GRIP1: variants seen among roughly 807,000 people sequenced by gnomAD.
GRIP1 encodes the protein glutamate receptor-interacting protein 1.
Under a neutral mutation model 129.9 loss-of-function variants are expected in GRIP1, and 45 were observed. The observed-to-expected ratio is 0.35, with a 90% CI of 0.27 to 0.44. The LOEUF is 0.44. Ranked by LOEUF, GRIP1 falls within the 20% of genes least tolerant of loss-of-function variation. The pLI, the probability that GRIP1 is intolerant of heterozygous loss-of-function variation, is 1.00. For synonymous variants in GRIP1, 530 were observed against 520.8 expected, an observed-to-expected ratio of 1.02 and a Z score of -0.24; for missense variants, 1,196 against 1,396.8, an observed-to-expected ratio of 0.86 and a Z score of 2.29.
At chr12:66,440,303 G>C (rs769141962) in intron 13 of GRIP1, among the ~76,000 whole-genome samples, 1 of 151,920 alleles carries the variant, frequency 6.6e-6, no homozygotes, top group Non-Finnish European at 1.5e-5. Flanking sequence ...CCACACTTTG[G>C]GTTTCAAACA....
At chr12:66,851,160 T>C (rs1010652001) in intron 1 of GRIP1, among the ~76,000 whole-genome samples, 7 of 151,608 alleles carry the variant, frequency 4.6e-5, no homozygotes, top group African/African-American at 1.7e-4. Context: ...CAAGAGAAAT[T>C]TGGGAATAGA....
intron 1 of GRIP1, among the ~76,000 whole-genome samples, chr12:67,029,096 G>A (rs993103804): frequency 6.6e-6 from 1 of 151,972 alleles, no homozygotes; most frequent in Non-Finnish European, 1.5e-5. Context: ...TAGTGAGACT[G>A]TCTCTACAAA....
intron 1 of GRIP1, among the ~76,000 whole-genome samples, chr12:67,057,772 T>C (rs537948585): frequency 2.2e-4 from 33 of 152,348 alleles, no homozygotes; most frequent in African/African-American, 7.9e-4. Flanking sequence ...GATTCTAGCC[T>C]GGCAAATTTT....
At chr12:66,872,786 T>C (rs2040317954) in intron 1 of GRIP1, among the ~76,000 whole-genome samples, 1 of 152,090 alleles carries the variant, frequency 6.6e-6, no homozygotes, top group Admixed American at 6.6e-5. Flanking sequence ...AAGTTTACCT[T>C]ATCAATTTGT....
intron 1 of GRIP1, among the ~76,000 whole-genome samples, chr12:66,730,084 A>T (rs911845614): frequency 1.8e-4 from 27 of 152,234 alleles, no homozygotes; most frequent in African/African-American, 6.3e-4. Flanking sequence ...AAACCAGCAT[A>T]CAGCAGACTG....
At chr12:66,641,833 T>C (rs966156588) in intron 1 of GRIP1, among the ~76,000 whole-genome samples, 11 of 152,212 alleles carry the variant, frequency 7.2e-5, no homozygotes, top group Non-Finnish European at 1.5e-4. Context: ...GTTCAGATCA[T>C]GTTCCTACTG....
At chr12:66,817,208 A>G (rs978794403) in intron 1 of GRIP1, among the ~76,000 whole-genome samples, 20 of 91,206 alleles carry the variant, frequency 2.2e-4, no homozygotes, top group African/African-American at 1.3e-3. Flanking sequence ...GTATGCACAC[A>G]CACACACACA....
intron 1 of GRIP1, among the ~76,000 whole-genome samples, chr12:66,724,776 G>A (rs1709245575): frequency 6.6e-6 from 1 of 152,146 alleles, no homozygotes; most frequent in Admixed American, 6.5e-5. Context: ...AAAACCCAGG[G>A]AGTTCAGAGA....
intron 1 of GRIP1, among the ~76,000 whole-genome samples, chr12:66,768,416 A>G (rs2037712473): frequency 6.6e-6 from 1 of 152,210 alleles, no homozygotes; most frequent in African/African-American, 2.4e-5. Flanking sequence ...GTTGTCCGGA[A>G]CTTGCAACCT....
At chr12:66,933,034 T>TA (rs2041425458) in intron 1 of GRIP1, among the ~76,000 whole-genome samples, 2 of 152,232 alleles carry the variant, frequency 1.3e-5, no homozygotes, top group Admixed American at 6.5e-5. Flanking sequence ...GGTAACGAGT[T>TA]CCATTTTATT....
chr12:66,593,866 A>T (rs2063936141), intron 2 of GRIP1, among the ~76,000 whole-genome samples: 1 of 152,008 alleles, frequency 6.6e-6, no homozygotes, highest in Admixed American at 6.6e-5. Flanking sequence ...CATGAGATGG[A>T]GACCATCCTG....
rs148983751 is a variant in GRIP1, at chr12:67,034,245, C to G, written c.58+34805G>C. 4.1e-4 allele frequency among the ~76,000 whole-genome samples: 63 copies of G among 152,334 alleles called. 1 individual carries two copies. Among genetic ancestry groups the G allele is most frequent in the Middle Eastern group, 6.8e-3 (2 of 294 alleles). On this transcript the variant is annotated intron_variant, in intron 1 of 1. Coordinates refer to the GRIP1 transcript ENST00000643019. ...AAGGAAAAATTCCCTTTACCTAGAA[C>G]TGGGTTAGAGTCATAGCCTGCTTCC...
chr12:66,464,213 C>A (rs934597221), intron 8 of GRIP1, among the ~76,000 whole-genome samples: 1 of 152,214 alleles, frequency 6.6e-6, no homozygotes, highest in African/African-American at 2.4e-5. Context: ...CATAATTCCA[C>A]ATTTTTTGCA....
chr12:66,966,376 T>C (rs958997044), intron 1 of GRIP1, among the ~76,000 whole-genome samples: 7 of 152,320 alleles, frequency 4.6e-5, no homozygotes, highest in African/African-American at 1.7e-4. Flanking sequence ...GTTTCACCTA[T>C]TTGTTTCATC....
At chr12:67,000,202 A>G (rs1303002365) in intron 1 of GRIP1, among the ~76,000 whole-genome samples, 1 of 152,174 alleles carries the variant, frequency 6.6e-6, no homozygotes, top group Non-Finnish European at 1.5e-5. Context: ...TTTATAAATA[A>G]ATTAGGTAAG....
chr12:66,872,151 CAGG>C (rs1437786617), intron 1 of GRIP1, among the ~76,000 whole-genome samples: 1 of 152,024 alleles, frequency 6.6e-6, no homozygotes. Flanking sequence ...CATGCACCTG[CAGG>C]AGGTTTTGCC....
chr12:66,718,875 TAAATAA>T (rs2136435548), intron 1 of GRIP1, among the ~76,000 whole-genome samples: 1 of 151,938 alleles, frequency 6.6e-6, no homozygotes, highest in East Asian at 1.9e-4. Context: ...AAAATAAATA[TAAATAA>T]ATATTCTTTG....
chr12:66,421,395 T>C (rs2137840637), intron 14 of GRIP1, among the ~76,000 whole-genome samples: 1 of 152,128 alleles, frequency 6.6e-6, no homozygotes, highest in Middle Eastern at 3.4e-3. Flanking sequence ...AACACAAAAA[T>C]TAGAAAGGCA....
In GRIP1 at chr12:66,864,183, A is replaced by AT. The variant is rs542657901; in HGVS notation, c.58+204866dup. Among the ~76,000 whole-genome samples, 973 of 152,014 alleles carry AT rather than the reference A, an allele frequency of 6.4e-3. 15 individuals are homozygous for AT. Among genetic ancestry groups the AT allele is most frequent in the African/African-American group, 0.022 (917 of 41,462 alleles). On this transcript the variant is annotated intron_variant, in intron 1 of 1. Transcript: ENST00000643019. Reference sequence around the variant, plus strand: ...CCCCTGCCAAAAGTGATGATACTCAATTTTTTTTCTCTTTTTCTTCTTTAA... The same window carrying AT: ...CCCCTGCCAAAAGTGATGATACTCAATTTTTTTTTCTCTTTTTCTTCTTTAA...
Sources: gnomAD v4.1 joint callset for allele counts (sites outside exome capture counted in the v4.1 genomes callset) on GRCh38, gnomAD v4.1.1 for gene constraint, MANE v1.5 for transcripts, NCBI Gene and HGNC (gene_info 2026-07-23, HGNC 2026-07-21) for gene names.